ST3GAL6: variants seen among roughly 807,000 people sequenced by gnomAD.
The protein encoded by ST3GAL6 is ST3 beta-galactoside alpha-2,3-sialyltransferase 6, also known as type 2 lactosamine alpha-2,3-sialyltransferase.
Under a neutral mutation model 40.5 loss-of-function variants are expected in ST3GAL6, and 31 were observed. That is an observed-to-expected ratio of 0.77 (90% CI 0.58 to 1.03). The LOEUF is 1.03. ST3GAL6 is among the 50% of genes least tolerant of loss of function. The probability of loss-of-function intolerance (pLI) is 0.00; values close to 1 mark genes in which losing one functional copy is unlikely to be tolerated. For missense variants in ST3GAL6, 357 were observed against 393.2 expected, an observed-to-expected ratio of 0.91 and a Z score of 0.78; for synonymous variants, 129 against 136.9, an observed-to-expected ratio of 0.94 and a Z score of 0.40.
At chr3:98,734,192 G>A (rs2107236715) in intron 1 of ST3GAL6, among the ~76,000 whole-genome samples, 1 of 152,228 alleles carries the variant, frequency 6.6e-6, no homozygotes, top group South Asian at 2.1e-4. Context: ...TTATTTACAG[G>A]GAGATGTTAA....
intron 1 of ST3GAL6, among the ~76,000 whole-genome samples, chr3:98,742,206 A>C (rs1434132474): frequency 6.6e-6 from 1 of 152,192 alleles, no homozygotes; most frequent in African/African-American, 2.4e-5. Flanking sequence ...TGATATATCA[A>C]TGTGTTATTC....
upstream of ST3GAL6, among the ~76,000 whole-genome samples, chr3:98,762,437 G>C (rs1245058840): frequency 2.0e-5 from 3 of 152,012 alleles, no homozygotes; most frequent in Admixed American, 6.5e-5. Flanking sequence ...ATTAAATTTA[G>C]CCTTTTCGTT....
chr3:98,777,848 T>C (rs1186485989), intron 5 of ST3GAL6, among the ~76,000 whole-genome samples: 1 of 152,184 alleles, frequency 6.6e-6, no homozygotes, highest in Non-Finnish European at 1.5e-5. Context: ...AGACTGAGGA[T>C]TTTTTAAGAG....
chr3:98,747,873 TC>T (rs1936683116), intron 1 of ST3GAL6, among the ~76,000 whole-genome samples: 1 of 152,198 alleles, frequency 6.6e-6, no homozygotes, highest in Non-Finnish European at 1.5e-5. Context: ...ATGTATCAAA[TC>T]CATGATACTG....
chr3:98,775,880 AGTCC>A (rs1426696831), intron 5 of ST3GAL6, among the ~76,000 whole-genome samples: 5 of 152,190 alleles, frequency 3.3e-5, no homozygotes, highest in African/African-American at 1.2e-4. Flanking sequence ...TGACTGCAGG[AGTCC>A]TTTAGTCTGA....
chr3:98,774,666 G>C (rs1197603954), intron 5 of ST3GAL6, among the ~76,000 whole-genome samples: 3 of 152,146 alleles, frequency 2.0e-5, no homozygotes, highest in East Asian at 1.9e-4. Flanking sequence ...CAGATGTAAG[G>C]CCTCCATTAA....
intron 1 of ST3GAL6, 105 bp from the exon 2 acceptor site, chr3:98,768,325 T>A: frequency 1.2e-6 from 1 of 826,030 alleles, no homozygotes; most frequent in Non-Finnish European, 2.1e-6. Context: ...TTTCTATAGT[T>A]CCTTTTGTAT....
At chr3:98,733,408 G>T (rs1935230475) in intron 1 of ST3GAL6, 5 of 1,019,106 alleles carry the variant, frequency 4.9e-6, no homozygotes, top group Non-Finnish European at 5.9e-6. Context: ...AAGCCAAGAG[G>T]AGTGTCCAGC....
chr3:98,733,198 G>C (rs918290864), intron 1 of ST3GAL6: 1 of 929,730 alleles, frequency 1.1e-6, no homozygotes, highest in African/African-American at 1.8e-5. Flanking sequence ...GAGGCGTAAA[G>C]GGACCATGGG....
intron 1 of ST3GAL6, among the ~76,000 whole-genome samples, chr3:98,743,758 A>G (rs998739322): frequency 7.9e-5 from 12 of 152,236 alleles, no homozygotes; most frequent in Non-Finnish European, 1.8e-4. Context: ...GACTTTTGCC[A>G]CCATAGATTA....
intron 1 of ST3GAL6, among the ~76,000 whole-genome samples, chr3:98,764,537 A>G (rs923530676): frequency 2.6e-5 from 4 of 152,216 alleles, no homozygotes; most frequent in African/African-American, 7.2e-5. Flanking sequence ...AGTTGGAGAA[A>G]TGTTCAGTAA....
chr3:98,788,543 T>C (rs1940948037), intron 8 of ST3GAL6, 80 bp downstream of exon 8: 1 of 1,345,932 alleles, frequency 7.4e-7, no homozygotes, highest in Non-Finnish European at 9.9e-7. Flanking sequence ...TCTCAGAAAC[T>C]GTATGAGAAC....
At chr3:98,733,761 A>G (rs1380763518) in intron 1 of ST3GAL6, among the ~76,000 whole-genome samples, 2 of 152,198 alleles carry the variant, frequency 1.3e-5, no homozygotes, top group African/African-American at 4.8e-5. Flanking sequence ...CCAGAAACCA[A>G]AAACAAACCC....
In ST3GAL6 at chr3:98,788,062, A is replaced by G; in HGVS notation, c.458A>G (p.His153Arg). The G allele has an allele frequency of 6.2e-7, 1 of 1,613,810 alleles. No individual in the cohort carries two copies. Among genetic ancestry groups the G allele is most frequent in the Non-Finnish European group, 8.5e-7 (1 of 1,179,884 alleles). Residue 153 changes from histidine (H) to arginine (R), a missense_variant, in exon 7 of 10, where the codon CAT becomes CGT. Physicochemically the swap from His to Arg is conservative, Grantham distance 29. Transcript: ENST00000483910. ...ATGAATAATGGTCCTGTTTTAGGAC[A>G]TGAAGAAGAAGTTGGGAGAAGGACA... ...IRMNNGPVLG[H>R]EEEVGRRTTF... is the part of the protein sequence containing the mutation.
upstream of ST3GAL6, among the ~76,000 whole-genome samples, chr3:98,762,416 T>A (rs1937889885): frequency 6.6e-6 from 1 of 152,262 alleles, no homozygotes; most frequent in Non-Finnish European, 1.5e-5. Flanking sequence ...AGCATTAGTT[T>A]ATAACTTCAG....
At chr3:98,737,191 G>A (rs915973502) in intron 1 of ST3GAL6, among the ~76,000 whole-genome samples, 8 of 152,218 alleles carry the variant, frequency 5.3e-5, no homozygotes, top group Middle Eastern at 3.4e-3. Flanking sequence ...TGGGATTACA[G>A]GCATGCACCA....
intron 5 of ST3GAL6, chr3:98,783,004 A>G: frequency 3.3e-6 from 1 of 307,020 alleles, no homozygotes; most frequent in South Asian, 3.0e-5. Flanking sequence ...CTGGCATTGT[A>G]GGCATGTTTG....
At position 98,779,632 on chromosome 3, in the gene ST3GAL6, G is replaced by A. The variant is rs550543687; in HGVS notation, c.336-5313G>A. Among the ~76,000 whole-genome samples, 5 of 152,280 alleles carry A rather than the reference G, an allele frequency of 3.3e-5. No individual in the cohort carries two copies. In the East Asian group the frequency reaches 9.7e-4, roughly 29 times the overall value. Reference sequence around the variant, plus strand: ...TAAGGTAATGACTCTTCCAGCTTTTGCCTGACTTTATGAGAAACACAGCTT... The same window carrying A: ...TAAGGTAATGACTCTTCCAGCTTTTACCTGACTTTATGAGAAACACAGCTT... On this transcript the variant is annotated intron_variant, in intron 5 of 9. Coordinates refer to ENST00000483910, the MANE Select transcript of ST3GAL6 (RefSeq NM_001323368.2).
At chr3:98,756,278 C>T (rs968567572) in intron 1 of ST3GAL6, 7 of 1,070,508 alleles carry the variant, frequency 6.5e-6, no homozygotes, top group African/African-American at 1.6e-5. Context: ...ACTAAAATGG[C>T]GTTTTCCTTA....
Sources: allele counts gnomAD v4.1 joint callset (sites outside exome capture counted in the v4.1 genomes callset), GRCh38; gene constraint gnomAD v4.1.1; transcripts MANE v1.5; gene names NCBI Gene and HGNC (gene_info 2026-07-23, HGNC 2026-07-21).